The following OLA1 variants were observed in gnomAD, a reference collection of about 807,000 sequenced individuals.
OLA1 encodes the protein Obg like ATPase 1.
A neutral mutation model predicts 48.4 loss-of-function variants in OLA1; 14 were observed. The observed-to-expected ratio is 0.29, with a 90% CI of 0.19 to 0.45. The LOEUF is 0.45. Among genes scored for constraint, OLA1 ranks in the 20% least tolerant of loss-of-function variants. The pLI, the probability that OLA1 is intolerant of heterozygous loss-of-function variation, is 1.00. For missense variants in OLA1, 325 were observed against 467.1 expected (o/e 0.70, Z 2.80); for synonymous variants, 127 against 150.4 (o/e 0.84, Z 1.14).
intron 7 of OLA1, among the ~76,000 whole-genome samples, chr2:174,112,904 A>G (rs903768264): frequency 6.6e-6 from 1 of 152,134 alleles, no homozygotes; most frequent in Non-Finnish European, 1.5e-5. Flanking sequence ...CCCTATTTCT[A>G]TAACATCAAC....
intron 5 of OLA1, among the ~76,000 whole-genome samples, chr2:174,125,543 A>G (rs1252811606): frequency 1.3e-5 from 2 of 152,234 alleles, no homozygotes; most frequent in Non-Finnish European, 2.9e-5. Context: ...AACAAAAAAT[A>G]GGGGAAGAAA....
intron 4 of OLA1, among the ~76,000 whole-genome samples, chr2:174,209,577 G>A (rs1267851271): frequency 2.6e-5 from 4 of 152,130 alleles, no homozygotes; most frequent in South Asian, 4.2e-4. Flanking sequence ...TTAAAAACTC[G>A]GGCTGAAGCA....
chr2:174,122,060 G>A (rs555879460), intron 7 of OLA1, among the ~76,000 whole-genome samples: 40 of 152,192 alleles, frequency 2.6e-4, no homozygotes, highest in African/African-American at 8.2e-4. Context: ...TTTGAAAGGC[G>A]ACAGAACTGA....
Position 174,144,940 on chromosome 2 carries a change from AAAAAAAAAAAAATATATAT to A in OLA1, c.374-2959_374-2941del, listed in dbSNP as rs1686546783. On this transcript the variant is annotated intron_variant, in intron 4 of 10. Transcript: ENST00000284719. Reference sequence around the variant, plus strand: ...GAGTAAGACCCTGTTTAAAAAAAAAAAAAAAAAAAAAATATATATATATATATATATATATATATATAAT... The same window carrying A: ...GAGTAAGACCCTGTTTAAAAAAAAAAATATATATATATATATATATATAAT... Among the ~76,000 whole-genome samples, 29 of 68,190 alleles carry A rather than the reference AAAAAAAAAAAAATATATAT, an allele frequency of 4.3e-4. 1 individual carries two copies. In the South Asian group the frequency reaches 0.017, roughly 40 times the overall value. The allele number at this position is 68,190 out of a possible 152,430, so 44.7% of individuals were successfully genotyped here. A position where few individuals can be genotyped will look rare whatever the true frequency, so the allele number is the denominator to read the frequency against.
chr2:174,208,256 G>T (rs964416251), intron 4 of OLA1, among the ~76,000 whole-genome samples: 1 of 152,114 alleles, frequency 6.6e-6, no homozygotes, highest in African/African-American at 2.4e-5. Flanking sequence ...ATCATGTCCT[G>T]TATCTTCAGA....
chr2:174,093,670 G>A (rs139443982), intron 7 of OLA1, among the ~76,000 whole-genome samples: 218 of 152,068 alleles, frequency 1.4e-3, no homozygotes, highest in Non-Finnish European at 2.5e-3. Flanking sequence ...TGTAAACATC[G>A]CACATGGAAA....
chr2:174,246,605 T>C (rs944687849), intron 2 of OLA1, 110 bp downstream of exon 2: 1 of 728,366 alleles, frequency 1.4e-6, no homozygotes, highest in Admixed American at 2.4e-5. Context: ...TCCAGCTTCC[T>C]GGCCTCTTTT....
At chr2:174,111,123 T>A (rs1193724688) in intron 7 of OLA1, among the ~76,000 whole-genome samples, 1 of 152,222 alleles carries the variant, frequency 6.6e-6, no homozygotes, top group African/African-American at 2.4e-5. Flanking sequence ...TTAATTCTCA[T>A]AATTCTATAA....
intron 2 of OLA1, among the ~76,000 whole-genome samples, chr2:174,231,093 T>A (rs947631716): frequency 2.0e-5 from 3 of 152,184 alleles, no homozygotes; most frequent in African/African-American, 7.2e-5. Flanking sequence ...CCACTGGGGA[T>A]ATTTTCCTCA....
intron 2 of OLA1, among the ~76,000 whole-genome samples, chr2:174,238,726 A>C (rs776806431): frequency 3.3e-5 from 5 of 152,180 alleles, no homozygotes; most frequent in Non-Finnish European, 7.3e-5. Context: ...TATATACCTA[A>C]GAGAAATAAA....
chr2:174,100,724 G>T (rs1210601741), intron 7 of OLA1, among the ~76,000 whole-genome samples: 3 of 152,146 alleles, frequency 2.0e-5, no homozygotes, highest in Non-Finnish European at 4.4e-5. Flanking sequence ...ACAGATCTTA[G>T]ATGTTCTGTT....
intron 4 of OLA1, among the ~76,000 whole-genome samples, chr2:174,153,430 A>C (rs1217942065): frequency 6.6e-6 from 1 of 152,188 alleles, no homozygotes; most frequent in East Asian, 1.9e-4. Flanking sequence ...AAAAACATTA[A>C]AATTGGAGCT....
chr2:174,237,902 A>C (rs546467336), intron 2 of OLA1, among the ~76,000 whole-genome samples: 2 of 152,338 alleles, frequency 1.3e-5, no homozygotes, highest in African/African-American at 4.8e-5. Flanking sequence ...CATCACCACA[A>C]ACGTGAGTAA....
chr2:174,097,175 T>TA (rs773202891), intron 7 of OLA1, among the ~76,000 whole-genome samples: 1 of 151,982 alleles, frequency 6.6e-6, no homozygotes, highest in Non-Finnish European at 1.5e-5. Context: ...AAATTAATTT[T>TA]AAAAAATAAA....
intron 4 of OLA1, among the ~76,000 whole-genome samples, chr2:174,170,500 C>G (rs1687272556): frequency 6.6e-6 from 1 of 152,140 alleles, no homozygotes; most frequent in African/African-American, 2.4e-5. Flanking sequence ...CCAAACCTAT[C>G]AAGTCCATTA....
At chr2:174,078,073 C>T (rs757822272) in intron 10 of OLA1, among the ~76,000 whole-genome samples, 1 of 151,970 alleles carries the variant, frequency 6.6e-6, no homozygotes, top group Non-Finnish European at 1.5e-5. Context: ...CCTCCTCTTC[C>T]TGGTGTTCCA....
rs535486961 is a variant in OLA1 at position 174,230,203 on chromosome 2, A to C, written c.102-752T>G. Among the ~76,000 whole-genome samples the C allele has an allele frequency of 6.3e-4, 96 of 152,212 alleles. 1 individual carries two copies. The highest frequency in any genetic ancestry group is 4.3e-4 in the Non-Finnish European group (29 of 67,996). On this transcript the variant is annotated intron_variant, in intron 2 of 10. Transcript: ENST00000284719. ...GTCTTAAAAAATGAAAAAAGAAATAAAATTTTAAAAATAAAAAATAAAATA... is the reference window on the plus strand; with the variant it reads ...GTCTTAAAAAATGAAAAAAGAAATACAATTTTAAAAATAAAAAATAAAATA...
chr2:174,215,881 G>C (rs1480402223), intron 4 of OLA1, among the ~76,000 whole-genome samples: 2 of 152,134 alleles, frequency 1.3e-5, no homozygotes, highest in African/African-American at 4.8e-5. Context: ...AACACTGTGA[G>C]ACATTAATCA....
Position 174,081,368 on chromosome 2 carries a change from A to G in OLA1, c.870-120T>C, listed in dbSNP as rs141860912. On this transcript the variant is annotated intron_variant, in intron 8 of 10. Transcript: ENST00000284719. ...TAAAGATAGTAGTAAATGACCATTCATCTTTCAGAATACACTGGAAGGGTT... is the reference window on the plus strand; with the variant it reads ...TAAAGATAGTAGTAAATGACCATTCGTCTTTCAGAATACACTGGAAGGGTT... 431 of 674,464 alleles carry G rather than the reference A, an allele frequency of 6.4e-4. 6 individuals are homozygous for G. In the East Asian group the frequency reaches 0.011, roughly 17 times the overall value. The allele number at this position is 674,464 out of a possible 1,614,324, so 41.8% of individuals were successfully genotyped here. A position where few individuals can be genotyped will look rare whatever the true frequency, so the allele number is the denominator to read the frequency against.
Sources: allele counts gnomAD v4.1 joint callset (sites outside exome capture counted in the v4.1 genomes callset), GRCh38; gene constraint gnomAD v4.1.1; transcripts MANE v1.5; gene names NCBI Gene and HGNC (gene_info 2026-07-23, HGNC 2026-07-21).